PCSK5: variants seen among roughly 807,000 people sequenced by gnomAD.
The protein encoded by PCSK5 is prohormone convertase 5.
In PCSK5, 129 loss-of-function variants were observed where a neutral mutation model predicts 233.2. That is an observed-to-expected ratio of 0.55 (90% CI 0.48 to 0.64). The LOEUF (loss-of-function observed/expected upper bound fraction) is 0.64, where lower values mean the gene tolerates loss of function less well. PCSK5 is among the 30% of genes least tolerant of loss of function. The pLI, the probability that PCSK5 is intolerant of heterozygous loss-of-function variation, is 0.00. For synonymous variants in PCSK5, 825 were observed against 879.2 expected (o/e 0.94, Z 1.09); for missense variants, 2,076 against 2,430.1 (o/e 0.85, Z 3.06).
chr9:76,125,637 C>T (rs1832817993), intron 9 of PCSK5, among the ~76,000 whole-genome samples: 1 of 152,142 alleles, frequency 6.6e-6, no homozygotes, highest in Admixed American at 6.5e-5. Context: ...ATGCCATCTA[C>T]TACTCTGTAC....
chr9:75,945,805 G>A (rs12553234), intron 2 of PCSK5, among the ~76,000 whole-genome samples: 3,438 of 152,176 alleles, frequency 0.023, 57 homozygotes, highest in Non-Finnish European at 0.031. Context: ...CCTGGAATAT[G>A]CTTCCTTTGG....
At chr9:76,161,821 A>C (rs192063423) in intron 12 of PCSK5, among the ~76,000 whole-genome samples, 11 of 152,330 alleles carry the variant, frequency 7.2e-5, no homozygotes, top group African/African-American at 2.6e-4. Flanking sequence ...AGTGCTGAAC[A>C]CAAGAGTGCT....
chr9:76,309,676 C>CAA (rs781340914), intron 29 of PCSK5, among the ~76,000 whole-genome samples: 10,554 of 114,486 alleles, frequency 0.092, 408 homozygotes, highest in African/African-American at 0.098. Context: ...GACGCTGCCT[C>CAA]AAAAAAAAAA....
chr9:76,296,898 T>C, intron 27 of PCSK5, 33 bp downstream of exon 27: 1 of 1,366,528 alleles, frequency 7.3e-7, no homozygotes, highest in Non-Finnish European at 1.0e-6. Context: ...GTCACAGGGG[T>C]CTAGCGACCT....
chr9:76,137,848 C>A (rs13283154), intron 10 of PCSK5, among the ~76,000 whole-genome samples: 74,242 of 151,824 alleles, frequency 0.49, 19,423 homozygotes, highest in East Asian at 0.97. Context: ...CTTTGGCATT[C>A]AGCTGTTTGG....
chr9:76,326,758 T>TG (rs1829370788), intron 32 of PCSK5, among the ~76,000 whole-genome samples: 14 of 152,330 alleles, frequency 9.2e-5, no homozygotes, highest in Admixed American at 9.2e-4. Context: ...ACAGAGTCCC[T>TG]GCCCTCATGG....
At chr9:75,939,603 C>T (rs1824210457) in intron 2 of PCSK5, among the ~76,000 whole-genome samples, 1 of 152,096 alleles carries the variant, frequency 6.6e-6, no homozygotes, top group African/African-American at 2.4e-5. Flanking sequence ...TTTTCCTTCC[C>T]CTTATCCAAA....
rs547508099 is a variant in PCSK5 at position 75,980,350 on chromosome 9, T to A, written c.298-5782T>A. ...TTTTTCAGTTTGGCCTATATTTTCT[T>A]TGGTAACACTGTTCTGAATGTATAT... On this transcript the variant is annotated intron_variant, in intron 2 of 37. Coordinates refer to ENST00000674117, the MANE Select transcript of PCSK5 (RefSeq NM_001372043.1). 3.9e-5 allele frequency among the ~76,000 whole-genome samples: 6 copies of A among 152,318 alleles called. No individual in the cohort carries two copies. The South Asian group carries it at 8.3e-4, about 21-fold the overall frequency.
At chr9:75,899,008 A>G (rs13294753) in intron 1 of PCSK5, among the ~76,000 whole-genome samples, 15,773 of 152,212 alleles carry the variant, frequency 0.1, 1,041 homozygotes, top group Non-Finnish European at 0.14. Flanking sequence ...ATAATGGCAG[A>G]GTGGTTATTG....
intron 3 of PCSK5, 92 bp from the exon 4 acceptor site, chr9:76,023,646 G>GAA: frequency 8.1e-7 from 1 of 1,239,642 alleles, no homozygotes; most frequent in African/African-American, 1.5e-5. Context: ...CTGGGCAGCA[G>GAA]AGAAAAAAAA....
intron 1 of PCSK5, among the ~76,000 whole-genome samples, chr9:75,921,292 G>T (rs1225623008): frequency 6.6e-6 from 1 of 152,078 alleles, no homozygotes; most frequent in Non-Finnish European, 1.5e-5. Flanking sequence ...AGGGGTCAGG[G>T]GATTGGTCCT....
At chr9:76,040,371 C>CTCTG (rs1563988584) in intron 5 of PCSK5, among the ~76,000 whole-genome samples, 1 of 62,392 alleles carries the variant, frequency 1.6e-5, no homozygotes, top group Non-Finnish European at 3.0e-5. Flanking sequence ...CTCTCTCTCT[C>CTCTG]TCTCTCTCTC....
intron 35 of PCSK5, among the ~76,000 whole-genome samples, chr9:76,349,188 G>A (rs1830053729): frequency 6.6e-6 from 1 of 151,232 alleles, no homozygotes; most frequent in Non-Finnish European, 1.5e-5. Context: ...GCAGGAGAAT[G>A]GCGTCAACCC....
intron 2 of PCSK5, among the ~76,000 whole-genome samples, chr9:75,963,913 C>G (rs1040178739): frequency 1.3e-5 from 2 of 152,140 alleles, no homozygotes; most frequent in Non-Finnish European, 2.9e-5. Context: ...ATTCAGTCAC[C>G]GTATACCATA....
At chr9:76,318,628 C>A (rs1296325485) in intron 30 of PCSK5, among the ~76,000 whole-genome samples, 1 of 152,088 alleles carries the variant, frequency 6.6e-6, no homozygotes, top group African/African-American at 2.4e-5. Context: ...TATACACAGA[C>A]ATAAGATTCC....
At chr9:76,171,168 T>C (rs1019367895) in intron 13 of PCSK5, among the ~76,000 whole-genome samples, 1 of 152,256 alleles carries the variant, frequency 6.6e-6, no homozygotes, top group Non-Finnish European at 1.5e-5. Flanking sequence ...CCAGAGTTTC[T>C]AGACCCTTTC....
chr9:76,291,943 G>T (rs1008381305), intron 24 of PCSK5, among the ~76,000 whole-genome samples: 2 of 152,142 alleles, frequency 1.3e-5, no homozygotes, highest in Non-Finnish European at 2.9e-5. Flanking sequence ...TCTTAATGTG[G>T]ATGGTCGTTG....
chr9:75,892,006 G>A (rs539010876), intron 1 of PCSK5, among the ~76,000 whole-genome samples: 1 of 152,294 alleles, frequency 6.6e-6, no homozygotes, highest in South Asian at 2.1e-4. Flanking sequence ...CTCGCCTTAA[G>A]CGAGGTCCGC....
intron 34 of PCSK5, among the ~76,000 whole-genome samples, chr9:76,336,741 C>A (rs1829687940): frequency 6.6e-6 from 1 of 152,144 alleles, no homozygotes; most frequent in South Asian, 2.1e-4. Flanking sequence ...GGTCCCCACC[C>A]CTTTCTCAGT....
Sources: allele counts gnomAD v4.1 joint callset (sites outside exome capture counted in the v4.1 genomes callset), GRCh38; gene constraint gnomAD v4.1.1; transcripts MANE v1.5; gene names NCBI Gene and HGNC (gene_info 2026-07-23, HGNC 2026-07-21).